ABI2: variants seen among roughly 807,000 people sequenced by gnomAD.
ABI2 encodes the protein abl interactor 2, also known as abelson interactor 2.
ABI2 carries 25 observed loss-of-function variants against 59.2 expected under a neutral mutation model. The ratio of observed to expected loss-of-function variants is 0.42; its 90% CI spans 0.31 to 0.59. ABI2 has a LOEUF of 0.59. ABI2 is among the 20% of genes least tolerant of loss of function. The probability of loss-of-function intolerance (pLI) is 0.14; values close to 1 mark genes in which losing one functional copy is unlikely to be tolerated. For missense variants in ABI2, 545 were observed against 681.8 expected, an observed-to-expected ratio of 0.80 and a Z score of 2.23; for synonymous variants, 213 against 235.5, an observed-to-expected ratio of 0.90 and a Z score of 0.87.
At position 203,410,162 on chromosome 2, in the gene ABI2, T is replaced by C. The variant is rs142241591; in HGVS notation, c.1193-1123T>C. On this transcript the variant is annotated intron_variant, in intron 9 of 11. Transcript: ENST00000261018. ...AAGTCCCTGCTGAGAGGTCATTTCA[T>C]TGTAGCCCTCCTTACCTCCACCACT... Among the ~76,000 whole-genome samples, 156 of 152,326 alleles carry C rather than the reference T, an allele frequency of 1.0e-3. 1 individual carries two copies. The East Asian group carries it at 0.025, about 25-fold the overall frequency.
chr2:203,395,485 A>ACACAT (rs1553589685), intron 6 of ABI2, among the ~76,000 whole-genome samples, 171 bp from the exon 7 acceptor site: 2 of 146,168 alleles, frequency 1.4e-5, no homozygotes, highest in East Asian at 2.0e-4. Flanking sequence ...ACACACACAC[A>ACACAT]TTTTTTTTTA....
At chr2:203,411,394 C>A in intron 10 of ABI2, 23 bp downstream of exon 10, 1 of 1,572,468 alleles carries the variant, frequency 6.4e-7, no homozygotes, top group Non-Finnish European at 8.7e-7. Flanking sequence ...CTTCTTTATG[C>A]TGTAGATCAG....
intron 2 of ABI2, among the ~76,000 whole-genome samples, chr2:203,378,626 T>C (rs1282332485): frequency 6.6e-6 from 1 of 152,212 alleles, no homozygotes; most frequent in Non-Finnish European, 1.5e-5. Flanking sequence ...AGTGTTCAGA[T>C]TTCTTAAAGC....
chr2:203,386,503 T>A, intron 4 of ABI2: 1 of 626,304 alleles, frequency 1.6e-6, no homozygotes, highest in Non-Finnish European at 2.0e-6. Context: ...ATCCTGTTCT[T>A]TTAAAACTTA....
intron 1 of ABI2, among the ~76,000 whole-genome samples, chr2:203,356,254 C>T (rs1267792518): frequency 6.6e-6 from 1 of 152,190 alleles, no homozygotes; most frequent in Non-Finnish European, 1.5e-5. Context: ...GTGTTGCAAT[C>T]ATGGCTCACT....
intron 4 of ABI2, among the ~76,000 whole-genome samples, chr2:203,390,305 A>T (rs996171713): frequency 4.6e-5 from 7 of 152,186 alleles, no homozygotes; most frequent in Non-Finnish European, 7.3e-5. Flanking sequence ...TTATTTGGGA[A>T]ATGTATTTTG....
intron 1 of ABI2, among the ~76,000 whole-genome samples, chr2:203,339,621 G>C (rs2078739774): frequency 6.6e-6 from 1 of 150,562 alleles, no homozygotes; most frequent in African/African-American, 2.4e-5. Context: ...AGAAAACCCA[G>C]TTCTCCCTAA....
In ABI2 at chr2:203,339,706, A is replaced by C. The variant is rs922600652; in HGVS notation, c.117+11075A>C. Among the ~76,000 whole-genome samples the C allele has an allele frequency of 5.3e-5, 8 of 152,294 alleles. No individual in the cohort carries two copies. The East Asian group carries it at 1.5e-3, about 29-fold the overall frequency. ...AGGGAATGAAATCATTATCTCAAAG[A>C]GACATCTGCACACCCATGTTCATTT... On this transcript the variant is annotated intron_variant, in intron 1 of 11. Coordinates refer to ENST00000261018, the MANE Select transcript of ABI2 (RefSeq NM_001375670.1).
intron 1 of ABI2, among the ~76,000 whole-genome samples, chr2:203,348,487 T>C (rs1386835768): frequency 6.6e-6 from 1 of 152,216 alleles, no homozygotes; most frequent in African/African-American, 2.4e-5. Flanking sequence ...CTTTTTCATA[T>C]GGTCAGTTAT....
Position 203,380,223 on chromosome 2 carries a change from A to T in ABI2, c.301A>T (p.Lys101Ter). 1 of 1,584,308 alleles carries T rather than the reference A, an allele frequency of 6.3e-7. No homozygotes were observed. The highest frequency in any genetic ancestry group is 8.6e-7 in the Non-Finnish European group (1 of 1,168,260). ...NHISQTVDIH[K>*]EKVARREIGI... ...TATTTTGCAGACAGTTGATATTCATAAAGAGAAAGTTGCAAGAAGAGAAAT... is the reference window on the plus strand; with the variant it reads ...TATTTTGCAGACAGTTGATATTCATTAAGAGAAAGTTGCAAGAAGAGAAAT... The change falls in exon 3 of 12, where the codon AAA becomes TAA. Residue 101 changes from lysine to a stop codon, truncating the protein, a stop_gained. Coordinates refer to ENST00000261018, the MANE Select transcript of ABI2 (RefSeq NM_001375670.1). LOFTEE classifies it high-confidence loss of function.
intron 2 of ABI2, among the ~76,000 whole-genome samples, chr2:203,368,999 T>A (rs1305711808): frequency 1.4e-4 from 18 of 125,974 alleles, no homozygotes; most frequent in African/African-American, 3.4e-4. Context: ...TTTTTTTTTT[T>A]TTTTTTTTTT....
At chr2:203,335,613 GT>G (rs1379719671) in intron 1 of ABI2, among the ~76,000 whole-genome samples, 1 of 152,118 alleles carries the variant, frequency 6.6e-6, no homozygotes, top group African/African-American at 2.4e-5. Flanking sequence ...TACCTTGCAA[GT>G]TTTTTCCTAT....
At position 203,345,056 on chromosome 2, in the gene ABI2, C is replaced by T. The variant is rs532141728; in HGVS notation, c.117+16425C>T. Among the ~76,000 whole-genome samples the T allele has an allele frequency of 6.6e-5, 10 of 152,252 alleles. No homozygotes were observed. In the East Asian group the frequency reaches 1.4e-3, roughly 21 times the overall value. On this transcript the variant is annotated intron_variant, in intron 1 of 11. Coordinates refer to ENST00000261018, the MANE Select transcript of ABI2 (RefSeq NM_001375670.1). Reference sequence around the variant, plus strand: ...GCCGGAGCCCGCAGTGGCAACCCGCCGGGGTCCTCTTCCATGCTGTGGAAG... The same window carrying T: ...GCCGGAGCCCGCAGTGGCAACCCGCTGGGGTCCTCTTCCATGCTGTGGAAG...
chr2:203,364,771 G>A (rs1363219839), intron 1 of ABI2, among the ~76,000 whole-genome samples: 1 of 126,730 alleles, frequency 7.9e-6, no homozygotes, highest in East Asian at 2.2e-4. Flanking sequence ...GTCTTGCTTT[G>A]TTACCCAGGC....
chr2:203,416,023 C>CT (rs2097878027), intron 10 of ABI2, among the ~76,000 whole-genome samples: 1 of 152,160 alleles, frequency 6.6e-6, no homozygotes, highest in Non-Finnish European at 1.5e-5. Context: ...AACAAACATC[C>CT]TCATAGATGA....
At chr2:203,370,512 C>T (rs1378682408) in intron 2 of ABI2, among the ~76,000 whole-genome samples, 1 of 152,086 alleles carries the variant, frequency 6.6e-6, no homozygotes, top group Non-Finnish European at 1.5e-5. Context: ...TAAAACTATT[C>T]TTAGCTTCTG....
intron 1 of ABI2, among the ~76,000 whole-genome samples, chr2:203,334,141 A>G (rs1383465612): frequency 6.6e-6 from 1 of 151,970 alleles, no homozygotes; most frequent in African/African-American, 2.4e-5. Flanking sequence ...GGGTTTCTCC[A>G]TGTTGGCCAG....
At chr2:203,401,422 CTCTG>C (rs2097215020) in intron 8 of ABI2, among the ~76,000 whole-genome samples, 1 of 152,108 alleles carries the variant, frequency 6.6e-6, no homozygotes, top group South Asian at 2.1e-4. Flanking sequence ...TGCTGTGGTG[CTCTG>C]TCTGTAAGAA....
At chr2:203,391,264 G>A (rs372878946) in intron 5 of ABI2, 121 bp downstream of exon 5, 1 of 645,426 alleles carries the variant, frequency 1.5e-6, no homozygotes, top group South Asian at 2.9e-5. Context: ...TAGGATTGTT[G>A]TTTGTGTGTA....
Sources: allele counts gnomAD v4.1 joint callset (sites outside exome capture counted in the v4.1 genomes callset), GRCh38; gene constraint gnomAD v4.1.1; transcripts MANE v1.5; gene names NCBI Gene and HGNC (gene_info 2026-07-23, HGNC 2026-07-21).